Variants in GSTCD observed in about 807,000 individuals in gnomAD.
GSTCD encodes the protein glutathione S-transferase C-terminal domain containing.
A neutral mutation model predicts 68.3 loss-of-function variants in GSTCD; 44 were observed. That is an observed-to-expected ratio of 0.64 (90% CI 0.51 to 0.83). The LOEUF (loss-of-function observed/expected upper bound fraction) is 0.83. Ranked by LOEUF, GSTCD falls within the 40% of genes least tolerant of loss-of-function variation. The pLI, the probability that GSTCD is intolerant of heterozygous loss-of-function variation, is 0.00. For synonymous variants in GSTCD, 273 were observed against 255.2 expected (o/e 1.07, Z -0.67); for missense variants, 739 against 735.9 (o/e 1.00, Z -0.05).
At chr4:105,779,200 A>G (rs1458522543) in intron 5 of GSTCD, among the ~76,000 whole-genome samples, 1 of 152,132 alleles carries the variant, frequency 6.6e-6, no homozygotes, top group African/African-American at 2.4e-5. Context: ...TTTAATCTGG[A>G]ACACTTCCTC....
intron 5 of GSTCD, among the ~76,000 whole-genome samples, chr4:105,733,085 G>A (rs973221279): frequency 3.9e-5 from 6 of 152,168 alleles, no homozygotes; most frequent in Non-Finnish European, 8.8e-5. Flanking sequence ...TTTTACATTT[G>A]CTGAGGAGTG....
intron 10 of GSTCD, among the ~76,000 whole-genome samples, chr4:105,841,151 T>TA (rs1240910726): frequency 5.3e-5 from 8 of 151,304 alleles, no homozygotes; most frequent in Non-Finnish European, 1.0e-4. Flanking sequence ...CTGTCTCTAC[T>TA]AAAAAAAATA....
chr4:105,734,928 A>T (rs1293133258), intron 5 of GSTCD, among the ~76,000 whole-genome samples: 1 of 152,012 alleles, frequency 6.6e-6, no homozygotes, highest in Non-Finnish European at 1.5e-5. Context: ...GATCTGTTGG[A>T]GTTTGCTGGA....
At chr4:105,834,643 G>A in intron 9 of GSTCD, 49 bp downstream of exon 9, 2 of 1,543,050 alleles carry the variant, frequency 1.3e-6, no homozygotes, top group Non-Finnish European at 1.8e-6. Context: ...GTATAAGCCA[G>A]GACACAAAAC....
At chr4:105,744,689 G>T (rs1478418387) in intron 5 of GSTCD, among the ~76,000 whole-genome samples, 1 of 152,058 alleles carries the variant, frequency 6.6e-6, no homozygotes, top group African/African-American at 2.4e-5. Flanking sequence ...TTCATTTCTG[G>T]CATAACAACA....
Position 105,825,734 on chromosome 4 carries a change from G to A in GSTCD, c.1464G>A (p.Leu488=), listed in dbSNP as rs373510738. Residue 488 remains leucine (L), a synonymous_variant, in exon 8 of 12, where the codon CTG becomes CTA. Coordinates refer to ENST00000515279, the MANE Select transcript of GSTCD (RefSeq NM_001370181.1). ...LIRAKKRSDE[L]GLSNIWFIQA... Reference sequence around the variant, plus strand: ...GTGCTAAGAAGAGAAGTGATGAACTGGGTTTAAGCAACATTTGGTTCATTC... The same window carrying A: ...GTGCTAAGAAGAGAAGTGATGAACTAGGTTTAAGCAACATTTGGTTCATTC... 6.5e-7 allele frequency: 1 copy of A among 1,538,964 alleles called. No individual in the cohort carries two copies. Among genetic ancestry groups the A allele is most frequent in the Non-Finnish European group, 9.0e-7 (1 of 1,112,922 alleles).
chr4:105,726,206 A>G (rs1013181197), intron 3 of GSTCD, among the ~76,000 whole-genome samples: 3 of 152,206 alleles, frequency 2.0e-5, no homozygotes, highest in Non-Finnish European at 2.9e-5. Context: ...AAAAAGAAAC[A>G]AACGATTGGT....
At position 105,719,255 on chromosome 4, in the gene GSTCD, G is replaced by A. The variant is rs749654075; in HGVS notation, c.622G>A (p.Val208Ile). The A allele has an allele frequency of 1.2e-6, 2 of 1,614,002 alleles. No individual in the cohort carries two copies. The highest frequency in any genetic ancestry group is 1.7e-5 in the Admixed American group (1 of 59,978). The change falls in exon 3 of 12, where the codon GTT becomes ATT. Residue 208 changes from valine (V) to isoleucine (I), a missense_variant. Physicochemically the swap from Val to Ile is conservative, Grantham distance 29. Coordinates refer to ENST00000515279, the MANE Select transcript of GSTCD (RefSeq NM_001370181.1). ...GCTCAAGCAACAGAAGGCTGATGGA[G>A]TTGGGCCTCCCCTTACTAAGGGAAA... ...QKLKQQKADG[V>I]GPPLTKGKAK...
chr4:105,798,175 G>C (rs1371238555), intron 5 of GSTCD, among the ~76,000 whole-genome samples: 1 of 151,932 alleles, frequency 6.6e-6, no homozygotes, highest in East Asian at 1.9e-4. Context: ...CTCCTCATCT[G>C]TACAGGTTTA....
chr4:105,830,821 C>T (rs1339253703), intron 8 of GSTCD, among the ~76,000 whole-genome samples: 2 of 151,686 alleles, frequency 1.3e-5, no homozygotes, highest in African/African-American at 2.4e-5. Context: ...ACACTTCCCT[C>T]GGCAGTGAAC....
rs775250225 is a variant in GSTCD, at chr4:105,845,527, C to G, written c.1852C>G (p.Pro618Ala). 1 of 1,613,992 alleles carries G rather than the reference C, an allele frequency of 6.2e-7. No individual in the cohort carries two copies. The highest frequency in any genetic ancestry group is 1.1e-5 in the South Asian group (1 of 91,074). Residue 618 changes from proline to alanine, a missense_variant, in exon 12 of 12, where the codon CCA (proline) becomes GCA (alanine). Coordinates refer to ENST00000515279, the MANE Select transcript of GSTCD (RefSeq NM_001370181.1). ...CTCCGTTCAAGTGATATCCATGGAGCCAGAGAGCTGCTCTCCCAAAAATAA... is the reference window on the plus strand; with the variant it reads ...CTCCGTTCAAGTGATATCCATGGAGGCAGAGAGCTGCTCTCCCAAAAATAA... ...GYSVQVISME[P>A]ESCSPKNNMI... is the part of the protein sequence containing the mutation.
At chr4:105,783,130 T>C (rs1735343472) in intron 5 of GSTCD, among the ~76,000 whole-genome samples, 3 of 152,186 alleles carry the variant, frequency 2.0e-5, no homozygotes, top group South Asian at 4.1e-4. Flanking sequence ...GCTGATTTAT[T>C]TGGATAAGAT....
intron 8 of GSTCD, among the ~76,000 whole-genome samples, chr4:105,831,608 T>A (rs547471305): frequency 1.3e-4 from 20 of 152,234 alleles, no homozygotes; most frequent in Non-Finnish European, 2.5e-4. Context: ...TGTGTTCACA[T>A]CTCTTGCTCA....
intron 4 of GSTCD, among the ~76,000 whole-genome samples, chr4:105,729,052 T>C (rs1578414808): frequency 6.6e-6 from 1 of 152,254 alleles, no homozygotes; most frequent in East Asian, 1.9e-4. Context: ...TCTTTTTTTA[T>C]TATTTCTATG....
At chr4:105,755,206 C>G (rs1022337286) in intron 5 of GSTCD, among the ~76,000 whole-genome samples, 6 of 151,546 alleles carry the variant, frequency 4.0e-5, no homozygotes, top group African/African-American at 1.5e-4. Context: ...ATGATCACAC[C>G]ACTGCACACA....
At chr4:105,816,146 C>G (rs1244760745) in intron 5 of GSTCD, among the ~76,000 whole-genome samples, 1 of 152,006 alleles carries the variant, frequency 6.6e-6, no homozygotes, top group Non-Finnish European at 1.5e-5. Flanking sequence ...AACTTTTGTC[C>G]CTCAACCCAA....
intron 1 of GSTCD, among the ~76,000 whole-genome samples, chr4:105,717,214 A>C (rs1732705935): frequency 6.6e-6 from 1 of 152,194 alleles, no homozygotes; most frequent in South Asian, 2.1e-4. Flanking sequence ...CAGCACTGTC[A>C]AAACTTCTCA....
intron 1 of GSTCD, among the ~76,000 whole-genome samples, chr4:105,715,683 A>T (rs1183060653): frequency 6.6e-6 from 1 of 151,930 alleles, no homozygotes; most frequent in East Asian, 1.9e-4. Flanking sequence ...TTTTTTTAAA[A>T]AAGGGATTTA....
chr4:105,748,119 G>A (rs1175167009), intron 5 of GSTCD, among the ~76,000 whole-genome samples: 1 of 152,060 alleles, frequency 6.6e-6, no homozygotes, highest in African/African-American at 2.4e-5. Context: ...GCTGTGCGTG[G>A]TGGTACGTGC....
Sources: allele counts gnomAD v4.1 joint callset (sites outside exome capture counted in the v4.1 genomes callset), GRCh38; gene constraint gnomAD v4.1.1; transcripts MANE v1.5; gene names NCBI Gene and HGNC (gene_info 2026-07-23, HGNC 2026-07-21).